GNL3L: variants seen among roughly 807,000 people sequenced by gnomAD.
GNL3L encodes G protein nucleolar 3 like.
In GNL3L, 4 loss-of-function variants were observed where a neutral mutation model predicts 42.9. The observed-to-expected ratio is 0.09, with a 90% CI of 0.05 to 0.21. The LOEUF (loss-of-function observed/expected upper bound fraction) is 0.21. Ranked by LOEUF, GNL3L falls within the 10% of genes least tolerant of loss-of-function variation. The probability of loss-of-function intolerance (pLI) is 1.00; values close to 1 mark genes in which losing one functional copy is unlikely to be tolerated. For missense variants in GNL3L, 412 were observed against 481.7 expected (o/e 0.86, Z 1.36); for synonymous variants, 159 against 176.3 (o/e 0.90, Z 0.78).
intron 14 of GNL3L, among the ~76,000 whole-genome samples, chrX:54,556,818 A>G (rs1327873112): frequency 9.0e-6 from 1 of 111,377 alleles, no homozygotes; most frequent in Non-Finnish European, 1.9e-5. Flanking sequence ...CATGTTTCTG[A>G]TGGGCAGTTA....
intron 16 of GNL3L, among the ~76,000 whole-genome samples, chrX:54,583,685 A>G (rs1006360406): frequency 3.6e-5 from 4 of 110,751 alleles, no homozygotes; most frequent in African/African-American, 1.3e-4. Context: ...ACTGTCACCC[A>G]CGTTGCAGTG....
downstream of GNL3L, among the ~76,000 whole-genome samples, chrX:54,569,157 A>G (rs1312882070): frequency 8.9e-6 from 1 of 112,181 alleles, no homozygotes; most frequent in Non-Finnish European, 1.9e-5. Flanking sequence ...GAATTTTTGC[A>G]TCTACATAAG....
chrX:54,561,677 C>T lies in GNL3L; in HGVS notation c.*1075C>T, dbSNP rs1480094548. ...GGACCCTGCCCTTGTGTGACCATGTCTCCTATTGCACCAGCATTTGAATTC... is the reference window on the plus strand; with the variant it reads ...GGACCCTGCCCTTGTGTGACCATGTTTCCTATTGCACCAGCATTTGAATTC... On this transcript the variant is annotated 3_prime_UTR_variant, in exon 16 of 16. Coordinates refer to ENST00000360845, the MANE Select transcript of GNL3L (RefSeq NM_001184819.2). 8.9e-6 allele frequency among the ~76,000 whole-genome samples: 1 copy of T among 112,054 alleles called. No homozygotes were observed. The highest frequency in any genetic ancestry group is 1.9e-5 in the Non-Finnish European group (1 of 53,159).
At chrX:54,644,841 A>G in the GNL3L span, among the ~76,000 whole-genome samples, 14 of 112,076 alleles carry the variant, frequency 1.2e-4, no homozygotes, top group African/African-American at 4.2e-4. Flanking sequence ...TATTGAATTT[A>G]TAGGTTAATT....
chrX:54,642,571 CAG>C, the GNL3L span, among the ~76,000 whole-genome samples: 6 of 110,877 alleles, frequency 5.4e-5, no homozygotes, highest in Non-Finnish European at 9.4e-5. Context: ...CAGCTTTAAA[CAG>C]AGAGTCCCTT....
chrX:54,559,222 G>T (rs1326111374), intron 15 of GNL3L, among the ~76,000 whole-genome samples: 1 of 111,392 alleles, frequency 9.0e-6, no homozygotes, highest in Non-Finnish European at 1.9e-5. Context: ...ATTTCTCTGG[G>T]GATCACACTG....
chrX:54,602,880 A>G (rs1449216246), intron 16 of GNL3L, among the ~76,000 whole-genome samples: 1 of 111,693 alleles, frequency 9.0e-6, no homozygotes, highest in Non-Finnish European at 1.9e-5. Context: ...TTCCCCAGTC[A>G]TGCCTCCAGA....
chrX:54,587,419 A>G (rs762140593), intron 16 of GNL3L, among the ~76,000 whole-genome samples: 2 of 111,466 alleles, frequency 1.8e-5, no homozygotes, highest in African/African-American at 3.3e-5. Context: ...TTTGCTTTAT[A>G]TATGTGGGAG....
chrX:54,573,134 C>T (rs1472357130), intron 16 of GNL3L, among the ~76,000 whole-genome samples: 1 of 111,766 alleles, frequency 8.9e-6, no homozygotes, highest in Non-Finnish European at 1.9e-5. Context: ...CCTCACTTCC[C>T]AGACGGGGTG....
intron 14 of GNL3L, among the ~76,000 whole-genome samples, chrX:54,558,103 C>T (rs1376024978): frequency 9.1e-6 from 1 of 110,089 alleles, no homozygotes; most frequent in East Asian, 2.9e-4. Flanking sequence ...AGGATGGTCT[C>T]GATCTCTTGA....
At chrX:54,544,022 C>G in intron 7 of GNL3L, 1 of 358,183 alleles carries the variant, frequency 2.8e-6, no homozygotes. Context: ...GAGGCCCCTT[C>G]AGGGAGGGCT....
chrX:54,562,742 G>A lies in GNL3L; in HGVS notation c.*2140G>A, dbSNP rs1407120671. Among the ~76,000 whole-genome samples the A allele has an allele frequency of 9.2e-6, 1 of 108,166 alleles. No individual in the cohort carries two copies. Among genetic ancestry groups the A allele is most frequent in the Admixed American group, 1.0e-4 (1 of 10,011 alleles). The allele number at this position is 108,166 out of a possible 115,157, so 93.9% of individuals were successfully genotyped here. On this transcript the variant is annotated 3_prime_UTR_variant, in exon 16 of 16. Coordinates refer to ENST00000360845, the MANE Select transcript of GNL3L (RefSeq NM_001184819.2). Reference sequence around the variant, plus strand: ...CAGGAGGCGGAGGTTGCAGTGAGTCGACATCACACCACTGCACTCCAGCCT... The same window carrying A: ...CAGGAGGCGGAGGTTGCAGTGAGTCAACATCACACCACTGCACTCCAGCCT...
chrX:54,615,290 A>G (rs1004461550), intron 16 of GNL3L, among the ~76,000 whole-genome samples: 3 of 112,322 alleles, frequency 2.7e-5, no homozygotes, highest in African/African-American at 9.7e-5. Context: ...CATTGTAAGT[A>G]AATACCACAA....
Position 54,561,397 on chromosome X carries a change from C to T in GNL3L, c.*795C>T, listed in dbSNP as rs2147498460. Among the ~76,000 whole-genome samples, 1 of 112,452 alleles carries T rather than the reference C, an allele frequency of 8.9e-6. No individual in the cohort carries two copies. Among genetic ancestry groups the T allele is most frequent in the Admixed American group, 9.5e-5 (1 of 10,580 alleles). ...TGCATCTTCCAAGTCCATAGGTCTT[C>T]ACCTGGGTGGCAGTGAGAAAAAGTA... On this transcript the variant is annotated 3_prime_UTR_variant, in exon 16 of 16. Transcript: ENST00000360845.
At chrX:54,634,852 T>C in the GNL3L span, among the ~76,000 whole-genome samples, 2 of 94,968 alleles carry the variant, frequency 2.1e-5, no homozygotes, top group Non-Finnish European at 4.2e-5. Context: ...TGCAGTGGCA[T>C]GATCTCGGCT....
intron 16 of GNL3L, among the ~76,000 whole-genome samples, chrX:54,587,281 G>A (rs1001084115): frequency 4.5e-5 from 5 of 112,306 alleles, no homozygotes; most frequent in Admixed American, 1.9e-4. Flanking sequence ...TACAAAGTGC[G>A]GTTTAAATCC....
intron 9 of GNL3L, 138 bp from the exon 10 acceptor site, chrX:54,550,825 G>A: frequency 2.2e-6 from 1 of 452,289 alleles, no homozygotes; most frequent in Non-Finnish European, 3.9e-6. Flanking sequence ...CCTGGGGTGG[G>A]AAGGGAGGAG....
chrX:54,563,343 G>A lies in GNL3L; in HGVS notation c.*2741G>A, dbSNP rs751599051. 4.5e-5 allele frequency among the ~76,000 whole-genome samples: 5 copies of A among 111,461 alleles called. No individual in the cohort carries two copies. Among genetic ancestry groups the A allele is most frequent in the Non-Finnish European group, 7.5e-5 (4 of 53,179 alleles). On this transcript the variant is annotated 3_prime_UTR_variant, in exon 16 of 16. Coordinates refer to ENST00000360845, the MANE Select transcript of GNL3L (RefSeq NM_001184819.2). Reference sequence around the variant, plus strand: ...AAACCCATTGTAATGTGCAAATTACGGGTTTATCAGGAGGTGACCCCATCG... The same window carrying A: ...AAACCCATTGTAATGTGCAAATTACAGGTTTATCAGGAGGTGACCCCATCG...
rs957850804 is a variant in GNL3L at position 54,619,034 on chromosome X, C to A, written c.*46-1811C>A. On this transcript the variant is annotated intron_variant, in intron 16 of 16. Coordinates refer to the GNL3L transcript ENST00000674498. ...TAGGGTTAGTGAGGGGAAATGGACACTCATACACAGATGGTGGGAGTGTAA... is the reference window on the plus strand; with the variant it reads ...TAGGGTTAGTGAGGGGAAATGGACAATCATACACAGATGGTGGGAGTGTAA... Among the ~76,000 whole-genome samples, 3 of 112,053 alleles carry A rather than the reference C, an allele frequency of 2.7e-5. No individual in the cohort carries two copies. The Admixed American group carries it at 2.9e-4, about 11-fold the overall frequency.
Sources: allele counts gnomAD v4.1 joint callset (sites outside exome capture counted in the v4.1 genomes callset), GRCh38; gene constraint gnomAD v4.1.1; transcripts MANE v1.5; gene names NCBI Gene and HGNC (gene_info 2026-07-23, HGNC 2026-07-21).